The following ARHGAP42 variants were observed in gnomAD, a reference collection of about 807,000 sequenced individuals.
ARHGAP42 encodes rho GTPase-activating protein 42.
ARHGAP42 carries 63 observed loss-of-function variants against 125.0 expected under a neutral mutation model. The ratio of observed to expected loss-of-function variants is 0.50; its 90% CI spans 0.41 to 0.62. The LOEUF (loss-of-function observed/expected upper bound fraction) is 0.62. ARHGAP42 is among the 20% of genes least tolerant of loss of function. The probability of loss-of-function intolerance (pLI) is 0.00; values close to 1 mark genes in which losing one functional copy is unlikely to be tolerated. For synonymous variants in ARHGAP42, 339 were observed against 351.0 expected (o/e 0.97, Z 0.38); for missense variants, 766 against 1,024.2 (o/e 0.75, Z 3.44).
intron 12 of ARHGAP42, among the ~76,000 whole-genome samples, chr11:100,951,654 T>C (rs1857653243): frequency 6.6e-6 from 1 of 152,190 alleles, no homozygotes; most frequent in Admixed American, 6.5e-5. Context: ...CCAAAACTAA[T>C]GTACTTATGA....
At chr11:100,690,833 C>T (rs1043289293) in intron 1 of ARHGAP42, among the ~76,000 whole-genome samples, 1 of 152,082 alleles carries the variant, frequency 6.6e-6, no homozygotes, top group Admixed American at 6.6e-5. Flanking sequence ...ATCTCCTGAC[C>T]TCGTGATCTG....
chr11:100,834,653 T>C (rs769261334), intron 3 of ARHGAP42, among the ~76,000 whole-genome samples: 6 of 151,848 alleles, frequency 4.0e-5, no homozygotes, highest in Non-Finnish European at 5.9e-5. Flanking sequence ...CACCCATTAG[T>C]ATTGGGGGCA....
At chr11:100,948,375 C>A (rs1868079074) in intron 10 of ARHGAP42, 82 bp from the exon 11 acceptor site, 2 of 984,464 alleles carry the variant, frequency 2.0e-6, no homozygotes, top group East Asian at 3.0e-5. Flanking sequence ...AACTTTTTTT[C>A]TTCAAATTTT....
chr11:100,775,947 G>A (rs1205426447), intron 2 of ARHGAP42, among the ~76,000 whole-genome samples: 3 of 152,042 alleles, frequency 2.0e-5, no homozygotes, highest in African/African-American at 7.2e-5. Context: ...ATCACCTGAG[G>A]TTGGGAGTTC....
Position 100,734,785 on chromosome 11 carries a change from T to A in ARHGAP42, c.155-35558T>A, listed in dbSNP as rs79309624. Among the ~76,000 whole-genome samples the A allele has an allele frequency of 1.8e-3, 276 of 152,266 alleles. 7 individuals are homozygous for A. The East Asian group carries it at 0.042, about 23-fold the overall frequency. On this transcript the variant is annotated intron_variant, in intron 1 of 23. Transcript: ENST00000298815. ...ACTCTACTTAACTCACAGAAACAGA[T>A]GTGGTGGCAGAACAAGCTGAAGCTG... is the stretch of plus-strand genomic sequence containing the variant.
chr11:100,878,486 C>T (rs934201520), intron 4 of ARHGAP42, among the ~76,000 whole-genome samples: 9 of 152,164 alleles, frequency 5.9e-5, no homozygotes, highest in Non-Finnish European at 1.3e-4. Flanking sequence ...AGAAAGATTC[C>T]TCAGCAATTG....
At chr11:100,721,990 A>T (rs1425124952) in intron 1 of ARHGAP42, among the ~76,000 whole-genome samples, 1 of 152,280 alleles carries the variant, frequency 6.6e-6, no homozygotes, top group East Asian at 1.9e-4. Flanking sequence ...ATCATATTAT[A>T]AGAGTATGTT....
chr11:100,772,765 A>G (rs12277269), intron 2 of ARHGAP42, among the ~76,000 whole-genome samples: 2,124 of 152,338 alleles, frequency 0.014, 65 homozygotes, highest in African/African-American at 0.048. Flanking sequence ...TTATATTACT[A>G]AAATACAAAT....
At chr11:100,777,528 A>G (rs978984642) in intron 2 of ARHGAP42, among the ~76,000 whole-genome samples, 1 of 152,226 alleles carries the variant, frequency 6.6e-6, no homozygotes, top group Non-Finnish European at 1.5e-5. Context: ...TGGAAAGGTA[A>G]TATTTGATTC....
intron 8 of ARHGAP42, among the ~76,000 whole-genome samples, chr11:100,939,315 G>A (rs1016207733): frequency 2.6e-5 from 4 of 151,918 alleles, no homozygotes; most frequent in Non-Finnish European, 5.9e-5. Context: ...AATTAGAGAT[G>A]TCATATGTAA....
In ARHGAP42 at chr11:100,973,253, A is replaced by C. The variant is rs1414393877; in HGVS notation, c.1629A>C (p.Ala543=). 6.4e-7 allele frequency: 1 copy of C among 1,551,090 alleles called. No homozygotes were observed. Among genetic ancestry groups the C allele is most frequent in the Non-Finnish European group, 8.7e-7 (1 of 1,146,694 alleles). The change falls in exon 18 of 24, where the codon GCA becomes GCC. Residue 543 remains alanine (A), a synonymous_variant. Coordinates refer to ENST00000298815, the MANE Select transcript of ARHGAP42 (RefSeq NM_152432.4). ...TATTTGGCCCAACTCTAATGAGAGC[A>C]CAGGAAGAAACTGTGGCTGCTATGA... is the stretch of plus-strand genomic sequence containing the variant. ...GVIFGPTLMR[A]QEETVAAMMN...
rs531627752 is a variant in ARHGAP42 at position 100,784,383 on chromosome 11, T to C, written c.251-10722T>C. On this transcript the variant is annotated intron_variant, in intron 2 of 23. Transcript: ENST00000298815. ...GCCCTCTAGGAGTTTTATTCTAGTG[T>C]CCCTACATAAAATGAGTTAGAGCCA... is the stretch of plus-strand genomic sequence containing the variant. Among the ~76,000 whole-genome samples, 7 of 152,252 alleles carry C rather than the reference T, an allele frequency of 4.6e-5. No individual in the cohort carries two copies. In the South Asian group the frequency reaches 1.5e-3, roughly 32 times the overall value.
chr11:100,840,257 T>G (rs2135110614), intron 3 of ARHGAP42, among the ~76,000 whole-genome samples: 1 of 152,270 alleles, frequency 6.6e-6, no homozygotes, highest in Non-Finnish European at 1.5e-5. Flanking sequence ...GTTCTTTGCC[T>G]TGGGACACCC....
chr11:100,971,009 C>T (rs568618), intron 17 of ARHGAP42, among the ~76,000 whole-genome samples: 41,437 of 151,910 alleles, frequency 0.27, 6,912 homozygotes, highest in East Asian at 0.74. Context: ...TGACTTGGGG[C>T]TGAGAAGAGA....
At chr11:100,762,508 C>A (rs934980526) in intron 1 of ARHGAP42, among the ~76,000 whole-genome samples, 2 of 152,172 alleles carry the variant, frequency 1.3e-5, no homozygotes, top group Admixed American at 1.3e-4. Flanking sequence ...TCCTTCAGCT[C>A]AACTCTCGTT....
intron 3 of ARHGAP42, 89 bp from the exon 4 acceptor site, chr11:100,859,465 A>G (rs1171146215): frequency 9.1e-7 from 1 of 1,093,802 alleles, no homozygotes; most frequent in Non-Finnish European, 1.3e-6. Context: ...AAAACAGTCT[A>G]TTTGATACAT....
rs771455624 is a variant in ARHGAP42 at position 100,859,666 on chromosome 11, T to C, written c.384+41T>C. The C allele has an allele frequency of 9.8e-6, 13 of 1,320,110 alleles. No individual in the cohort carries two copies. In the South Asian group the frequency reaches 2.1e-4, roughly 21 times the overall value. 81.8% of individuals were successfully genotyped at this position (1,320,110 alleles called of 1,614,324 possible). A position where few individuals can be genotyped will look rare whatever the true frequency, so the allele number is the denominator to read the frequency against. Reference sequence around the variant, plus strand: ...TATTATTCTTCAGTTATTCTCCTGATAATTAAAGATGACATAATTTCAGAT... The same window carrying C: ...TATTATTCTTCAGTTATTCTCCTGACAATTAAAGATGACATAATTTCAGAT... On this transcript the variant is annotated intron_variant, in intron 4 of 23. Coordinates refer to ENST00000298815, the MANE Select transcript of ARHGAP42 (RefSeq NM_152432.4).
At chr11:100,954,308 C>T (rs1052455287) in intron 12 of ARHGAP42, among the ~76,000 whole-genome samples, 1 of 152,020 alleles carries the variant, frequency 6.6e-6, no homozygotes. Context: ...CCAGGTACTG[C>T]GAGTAAGAAA....
At chr11:100,974,326 G>A in intron 18 of ARHGAP42, 133 bp from the exon 19 acceptor site, 2 of 802,628 alleles carry the variant, frequency 2.5e-6, no homozygotes, top group South Asian at 5.9e-5. Context: ...CCAGATAAAT[G>A]GAAAAGTTAC....
Sources: gnomAD v4.1 joint callset for allele counts (sites outside exome capture counted in the v4.1 genomes callset) on GRCh38, gnomAD v4.1.1 for gene constraint, MANE v1.5 for transcripts, NCBI Gene and HGNC (gene_info 2026-07-23, HGNC 2026-07-21) for gene names.